Variants in NECAB2 observed in about 807,000 individuals in gnomAD.
NECAB2 encodes N-terminal EF-hand calcium binding protein 2.
Under a neutral mutation model 51.9 loss-of-function variants are expected in NECAB2, and 68 were observed. The ratio of observed to expected loss-of-function variants is 1.31; its 90% CI spans 1.08 to 1.60. The LOEUF (loss-of-function observed/expected upper bound fraction) is 1.60, where lower values mean the gene tolerates loss of function less well. NECAB2 is among the 40% of genes most tolerant of loss of function. The probability of loss-of-function intolerance (pLI) is 0.00; values close to 1 mark genes in which losing one functional copy is unlikely to be tolerated. For missense variants in NECAB2, 854 were observed against 490.3 expected (o/e 1.74, Z -7.00); for synonymous variants, 329 against 203.5 (o/e 1.62, Z -5.25).
At chr16:84,000,156 C>A (rs2084798524) in intron 10 of NECAB2, among the ~76,000 whole-genome samples, 2 of 152,148 alleles carry the variant, frequency 1.3e-5, no homozygotes, top group African/African-American at 2.4e-5. Context: ...CCCCTCAAGA[C>A]TTCCCAAAGT....
intron 2 of NECAB2, 148 bp downstream of exon 2, chr16:83,972,323 C>G: frequency 8.8e-7 from 1 of 1,129,980 alleles, no homozygotes; most frequent in South Asian, 1.4e-5. Context: ...AATCCTGCTG[C>G]TGCTCTGTGC....
At chr16:83,975,327 G>A (rs943643297) in intron 2 of NECAB2, among the ~76,000 whole-genome samples, 1 of 150,482 alleles carries the variant, frequency 6.6e-6, no homozygotes, top group East Asian at 2.0e-4. Context: ...GGGAGGTGTG[G>A]GTGCGGGGAT....
chr16:84,001,671 A>C (rs1048963620), intron 11 of NECAB2, among the ~76,000 whole-genome samples, 154 bp from the exon 12 acceptor site: 10 of 104,220 alleles, frequency 9.6e-5, no homozygotes, highest in African/African-American at 9.6e-4. Context: ...CTCCCTGGGC[A>C]CCCCCTCACC....
chr16:83,999,287 C>T (rs558029704), intron 10 of NECAB2, among the ~76,000 whole-genome samples: 34 of 152,268 alleles, frequency 2.2e-4, no homozygotes, highest in Admixed American at 4.6e-4. Context: ...AGGACCCACT[C>T]CACTCCAGGA....
At chr16:83,966,051 G>A (rs750636656), upstream of NECAB2, 45 of 1,395,508 alleles carry the variant, frequency 3.2e-5, no homozygotes, top group South Asian at 5.0e-4. Flanking sequence ...AGAGGACAGA[G>A]ATGACCACAT....
intron 5 of NECAB2, 24 bp from the exon 6 acceptor site, chr16:83,990,470 G>A (rs1216035127): frequency 1.2e-6 from 2 of 1,612,852 alleles, no homozygotes; most frequent in African/African-American, 1.3e-5. Context: ...TTTCCCCTCA[G>A]TGCCTCTTCT....
At chr16:83,996,930 C>A (rs777620062) in intron 8 of NECAB2, among the ~76,000 whole-genome samples, 2 of 152,142 alleles carry the variant, frequency 1.3e-5, no homozygotes, top group Non-Finnish European at 2.9e-5. Context: ...TACAGGGAAT[C>A]TAAGGGCTGT....
chr16:83,985,619 G>A (rs954111108), intron 5 of NECAB2, among the ~76,000 whole-genome samples: 6 of 151,232 alleles, frequency 4.0e-5, no homozygotes, highest in Admixed American at 3.3e-4. Flanking sequence ...GGCAACAAGA[G>A]TGAGTCTCCA....
intron 2 of NECAB2, among the ~76,000 whole-genome samples, chr16:83,973,667 C>T (rs973358726): frequency 6.6e-6 from 1 of 152,170 alleles, no homozygotes; most frequent in South Asian, 2.1e-4. Flanking sequence ...TGGCCTGGCT[C>T]CTCCAGCAGG....
chr16:83,996,646 C>T (rs537837614), intron 8 of NECAB2, among the ~76,000 whole-genome samples: 23 of 152,254 alleles, frequency 1.5e-4, no homozygotes, highest in East Asian at 1.4e-3. Context: ...ACATGGCTTT[C>T]GTGCCTTCAG....
intron 11 of NECAB2, 132 bp downstream of exon 11, chr16:84,000,933 G>C (rs564134865): frequency 4.7e-6 from 4 of 845,192 alleles, no homozygotes; most frequent in South Asian, 1.6e-5. Flanking sequence ...GCATCTACCC[G>C]CTGGCATGCT....
intron 2 of NECAB2, among the ~76,000 whole-genome samples, chr16:83,973,184 C>G (rs2084367757): frequency 6.6e-6 from 1 of 152,344 alleles, no homozygotes; most frequent in South Asian, 2.1e-4. Context: ...ACCCTGTGAC[C>G]TGCCCCAGGG....
intron 1 of NECAB2, among the ~76,000 whole-genome samples, chr16:83,970,411 C>G (rs762099250): frequency 2.6e-5 from 4 of 152,094 alleles, no homozygotes; most frequent in Non-Finnish European, 4.4e-5. Context: ...TGCGGGGTGC[C>G]CAGGCTGGAT....
At chr16:83,982,542 C>G (rs2084501584) in intron 5 of NECAB2, among the ~76,000 whole-genome samples, 1 of 152,186 alleles carries the variant, frequency 6.6e-6, no homozygotes, top group Non-Finnish European at 1.5e-5. Context: ...TCACCATGTG[C>G]TCACAGATGA....
Position 83,997,368 on chromosome 16 carries a change from G to C in NECAB2, c.849+99G>C, listed in dbSNP as rs2084723032. On this transcript the variant is annotated intron_variant, in intron 9 of 12. Coordinates refer to ENST00000305202, the MANE Select transcript of NECAB2 (RefSeq NM_019065.3). ...CAATGCCCCTGACCCCGCTCTCCCT[G>C]CTTGGGACCACCAGGAGGGGAGATG... is the stretch of plus-strand genomic sequence containing the variant. 4 of 1,465,604 alleles carry C rather than the reference G, an allele frequency of 2.7e-6. No homozygotes were observed. The East Asian group carries it at 9.3e-5, about 34-fold the overall frequency. The allele number at this position is 1,465,604 out of a possible 1,614,324, so 90.8% of individuals were successfully genotyped here.
intron 9 of NECAB2, among the ~76,000 whole-genome samples, 153 bp downstream of exon 9, chr16:83,997,422 C>T (rs1045751694): frequency 8.0e-5 from 12 of 150,858 alleles, no homozygotes; most frequent in Admixed American, 2.0e-4. Context: ...CCAGACCCTG[C>T]CCTGGCACAG....
chr16:83,997,158 C>A, intron 8 of NECAB2, 58 bp from the exon 9 acceptor site: 2 of 1,607,492 alleles, frequency 1.2e-6, no homozygotes, highest in South Asian at 1.1e-5. Context: ...GAGCTCCTGG[C>A]TCCCCGGGGC....
intron 5 of NECAB2, among the ~76,000 whole-genome samples, chr16:83,988,417 C>T (rs925100169): frequency 3.3e-5 from 5 of 152,284 alleles, no homozygotes; most frequent in African/African-American, 9.6e-5. Flanking sequence ...AGCTAATTAA[C>T]ACTTTCTCTT....
chr16:83,991,989 G>A (rs2084631654), intron 6 of NECAB2, among the ~76,000 whole-genome samples: 2 of 152,088 alleles, frequency 1.3e-5, no homozygotes, highest in Non-Finnish European at 2.9e-5. Flanking sequence ...TTTAGGAAAT[G>A]GCATATGGTT....
Sources: gnomAD v4.1 joint callset for allele counts (sites outside exome capture counted in the v4.1 genomes callset) on GRCh38, gnomAD v4.1.1 for gene constraint, MANE v1.5 for transcripts, NCBI Gene and HGNC (gene_info 2026-07-23, HGNC 2026-07-21) for gene names.